Variants in FHIP1A observed in about 807,000 individuals in gnomAD.
FHIP1A encodes the protein FHF complex subunit HOOK interacting protein 1A.
Under a neutral mutation model 88.6 loss-of-function variants are expected in FHIP1A, and 61 were observed. That is an observed-to-expected ratio of 0.69 (90% CI 0.56 to 0.85). FHIP1A has a LOEUF of 0.85. FHIP1A is among the 40% of genes least tolerant of loss of function. FHIP1A has a pLI of 0.00. For synonymous variants in FHIP1A, 478 were observed against 496.0 expected (o/e 0.96, Z 0.48); for missense variants, 1,154 against 1,273.5 (o/e 0.91, Z 1.43).
intron 1 of FHIP1A, among the ~76,000 whole-genome samples, chr4:151,411,458 T>C (rs1186532908): frequency 6.6e-6 from 1 of 150,744 alleles, no homozygotes; most frequent in African/African-American, 2.4e-5. Context: ...CAGGCAGTCC[T>C]CCCACCTTAG....
At chr4:151,445,244 G>A (rs1346283680) in intron 1 of FHIP1A, among the ~76,000 whole-genome samples, 5 of 152,120 alleles carry the variant, frequency 3.3e-5, no homozygotes, top group African/African-American at 7.2e-5. Context: ...TAAATAGGGT[G>A]AGGTCTAGAA....
intron 4 of FHIP1A, among the ~76,000 whole-genome samples, chr4:151,568,243 T>A (rs890093874): frequency 3.3e-5 from 5 of 152,258 alleles, no homozygotes; most frequent in African/African-American, 1.2e-4. Flanking sequence ...AGATACATAG[T>A]ACTCTCAGTG....
chr4:151,483,343 G>GT (rs1729967727), intron 3 of FHIP1A, among the ~76,000 whole-genome samples: 1 of 151,918 alleles, frequency 6.6e-6, no homozygotes, highest in African/African-American at 2.4e-5. Context: ...TTCCCAAAGT[G>GT]TTACTAGAGT....
chr4:151,464,667 A>G (rs901884856), intron 2 of FHIP1A, among the ~76,000 whole-genome samples: 2 of 152,236 alleles, frequency 1.3e-5, no homozygotes, highest in Non-Finnish European at 2.9e-5. Context: ...ACCAGTCATC[A>G]GGAAGCTTAT....
At position 151,412,502 on chromosome 4, in the gene FHIP1A, T is replaced by G. The variant is rs547602911; in HGVS notation, c.-356+3037T>G. ...TCTGATTTACAGCCCATGCTTTCAC[T>G]TTTTTCCTTGTTACATTTTGTGAAG... On this transcript the variant is annotated intron_variant, in intron 1 of 13. Transcript: ENST00000435205. Among the ~76,000 whole-genome samples the G allele has an allele frequency of 5.3e-5, 8 of 152,302 alleles. No individual in the cohort carries two copies. The East Asian group carries it at 1.5e-3, about 29-fold the overall frequency.
chr4:151,598,949 T>A (rs925015412), intron 7 of FHIP1A, among the ~76,000 whole-genome samples: 1 of 152,206 alleles, frequency 6.6e-6, no homozygotes, highest in Non-Finnish European at 1.5e-5. Context: ...AAAACAGTAA[T>A]GTATTTGATT....
In FHIP1A at chr4:151,588,831, C is replaced by T. The variant is rs1423134284; in HGVS notation, c.892-9C>T. The T allele has an allele frequency of 3.9e-6, 6 of 1,535,414 alleles. No homozygotes were observed. In the East Asian group the frequency reaches 1.2e-4, roughly 31 times the overall value. Reference sequence around the variant, plus strand: ...TTGCCTTTTTCATGCCTATGTGCCTCTCTCTCAGGTGGCTCACCCCTTGAT... The same window carrying T: ...TTGCCTTTTTCATGCCTATGTGCCTTTCTCTCAGGTGGCTCACCCCTTGAT... On this transcript the variant is annotated splice_polypyrimidine_tract_variant and intron_variant, in intron 6 of 13. Transcript: ENST00000435205.
Position 151,577,476 on chromosome 4 carries a change from C to G in FHIP1A, c.132C>G (p.Asp44Glu). 1 of 1,542,896 alleles carries G rather than the reference C, an allele frequency of 6.5e-7. No individual in the cohort carries two copies. Among genetic ancestry groups the G allele is most frequent in the Non-Finnish European group, 8.8e-7 (1 of 1,141,056 alleles). ...TTGTGAAAATCTTGGAGAAGCACGA[C>G]CCCTTGAAGAACACCCAGGCAAAAT... ...AQVVKILEKHDPLKNTQAKYG... is the reference protein window; with the variant it reads ...AQVVKILEKHEPLKNTQAKYG... Residue 44 changes from aspartate (D) to glutamate (E), a missense_variant, in exon 5 of 14, where the codon GAC becomes GAG. Transcript: ENST00000435205.
At chr4:151,437,771 T>G (rs1728255691) in intron 1 of FHIP1A, among the ~76,000 whole-genome samples, 1 of 152,086 alleles carries the variant, frequency 6.6e-6, no homozygotes, top group Non-Finnish European at 1.5e-5. Flanking sequence ...CTAATAATAC[T>G]GAGAAAGCCT....
In FHIP1A at chr4:151,444,287, T is replaced by G. The variant is rs181600088; in HGVS notation, c.-355-10414T>G. ...ATGCAGGCGGTCAGGCATCTTGAAATGGAAGCCACATCAGGTTGTTCTTTT... is the reference window on the plus strand; with the variant it reads ...ATGCAGGCGGTCAGGCATCTTGAAAGGGAAGCCACATCAGGTTGTTCTTTT... On this transcript the variant is annotated intron_variant, in intron 1 of 13. Coordinates refer to ENST00000435205, the MANE Select transcript of FHIP1A (RefSeq NM_001109977.3). Among the ~76,000 whole-genome samples, 474 of 152,296 alleles carry G rather than the reference T, an allele frequency of 3.1e-3. 2 individuals are homozygous for G. Among genetic ancestry groups the G allele is most frequent in the African/African-American group, 0.011 (454 of 41,572 alleles).
intron 7 of FHIP1A, among the ~76,000 whole-genome samples, chr4:151,603,764 A>AT (rs1368092554): frequency 6.6e-6 from 1 of 152,018 alleles, no homozygotes; most frequent in Admixed American, 6.6e-5. Context: ...TCATCCTTGA[A>AT]TTTTTTCTCT....
rs996894231 is a variant in FHIP1A at position 151,506,712 on chromosome 4, A to G, written c.-123+24064A>G. 2.0e-5 allele frequency among the ~76,000 whole-genome samples: 3 copies of G among 152,166 alleles called. No homozygotes were observed. The East Asian group carries it at 5.8e-4, about 29-fold the overall frequency. On this transcript the variant is annotated intron_variant, in intron 3 of 13. Coordinates refer to ENST00000435205, the MANE Select transcript of FHIP1A (RefSeq NM_001109977.3). ...AGCCCTTCATCAAGGATCCACCCTCATGATCCAAGCATCCCCCACCAGGCC... is the reference window on the plus strand; with the variant it reads ...AGCCCTTCATCAAGGATCCACCCTCGTGATCCAAGCATCCCCCACCAGGCC...
At chr4:151,435,915 T>G (rs939639148) in intron 1 of FHIP1A, among the ~76,000 whole-genome samples, 2 of 152,216 alleles carry the variant, frequency 1.3e-5, no homozygotes, top group African/African-American at 4.8e-5. Context: ...TTTGTTTGTT[T>G]CAGACTGATG....
chr4:151,559,093 A>G (rs1460461692), intron 3 of FHIP1A, among the ~76,000 whole-genome samples: 1 of 152,144 alleles, frequency 6.6e-6, no homozygotes, highest in Non-Finnish European at 1.5e-5. Context: ...TATCTTTCAG[A>G]CATTTGGTAG....
chr4:151,436,727 A>G (rs1053186229), intron 1 of FHIP1A, among the ~76,000 whole-genome samples: 2 of 152,174 alleles, frequency 1.3e-5, no homozygotes, highest in Non-Finnish European at 1.5e-5. Context: ...GGTGTAAGAA[A>G]TCTTTGTAGA....
rs879351524 is a variant in FHIP1A at position 151,512,429 on chromosome 4, G to A, written c.-123+29781G>A. Among the ~76,000 whole-genome samples, 3 of 152,242 alleles carry A rather than the reference G, an allele frequency of 2.0e-5. 1 individual carries two copies. The highest frequency in any genetic ancestry group is 4.4e-5 in the Non-Finnish European group (3 of 68,038). ...TCCAAAGGAACACAGCTCCTCACCA[G>A]CAACGGAACAAAGCTGGACGGAGAA... On this transcript the variant is annotated intron_variant, in intron 3 of 13. Transcript: ENST00000435205.
chr4:151,586,942 C>A, intron 6 of FHIP1A, 143 bp downstream of exon 6: 1 of 573,700 alleles, frequency 1.7e-6, no homozygotes, highest in Non-Finnish European at 2.7e-6. Flanking sequence ...ATTGAATGTC[C>A]TTGAATGAGT....
chr4:151,569,413 A>G (rs547686027), intron 4 of FHIP1A, among the ~76,000 whole-genome samples: 32 of 151,908 alleles, frequency 2.1e-4, no homozygotes, highest in Non-Finnish European at 3.2e-4. Flanking sequence ...TTAGCCAGGC[A>G]TGGTGGCGGG....
At chr4:151,492,685 C>CTT (rs1180559639) in intron 3 of FHIP1A, among the ~76,000 whole-genome samples, 3 of 152,016 alleles carry the variant, frequency 2.0e-5, no homozygotes, top group Non-Finnish European at 4.4e-5. Context: ...AACAGGAACC[C>CTT]TTAACACTAT....
Sources: gnomAD v4.1 joint callset for allele counts (sites outside exome capture counted in the v4.1 genomes callset) on GRCh38, gnomAD v4.1.1 for gene constraint, MANE v1.5 for transcripts, NCBI Gene and HGNC (gene_info 2026-07-23, HGNC 2026-07-21) for gene names.